ELK1: variants seen among roughly 807,000 people sequenced by gnomAD.
The protein encoded by ELK1 is ETS domain-containing protein Elk-1.
For missense variants in ELK1, 254 were observed against 381.5 expected (o/e 0.67, Z 2.78); for synonymous variants, 163 against 176.3 (o/e 0.92, Z 0.60).
upstream of ELK1, chrX:47,650,593 C>CA (rs1489369481): frequency 3.7e-6 from 1 of 268,352 alleles, no homozygotes; most frequent in African/African-American, 3.0e-5. Flanking sequence ...CTACAGCTCA[C>CA]GTGGGCCCGA....
intron 2 of ELK1, among the ~76,000 whole-genome samples, chrX:47,646,918 A>C (rs1341230244): frequency 9.1e-6 from 1 of 110,125 alleles, no homozygotes; most frequent in Non-Finnish European, 1.9e-5. Context: ...GCACCATCCC[A>C]CCTCAGGGCC....
chrX:47,645,376 A>G (rs2058040328), intron 2 of ELK1, among the ~76,000 whole-genome samples: 1 of 112,076 alleles, frequency 8.9e-6, no homozygotes, highest in African/African-American at 3.2e-5. Flanking sequence ...ACATGAGGCA[A>G]TGGAGGTACA....
intron 6 of ELK1, 31 bp downstream of exon 6, chrX:47,636,982 C>A: frequency 8.3e-7 from 1 of 1,202,161 alleles, no homozygotes. Flanking sequence ...GGGTCTCTCA[C>A]CCTGTCCAAA....
Position 47,647,683 on chromosome X carries a change from G to T in ELK1, c.-35+2238C>A, listed in dbSNP as rs5952440. The stretch of plus-strand genomic sequence containing the variant: ...AATTATCTTTTTCCCATTTATTCAT[G>T]GGATAAATTCTTATTGAGCATCTGC... On this transcript the variant is annotated intron_variant, in intron 2 of 6. Transcript: ENST00000376983. 5.7e-3 allele frequency among the ~76,000 whole-genome samples: 636 copies of T among 112,101 alleles called. 4 individuals carry two copies. The highest frequency in any genetic ancestry group is 0.02 in the African/African-American group (611 of 30,808).
At chrX:47,641,602 A>C in intron 2 of ELK1, 127 bp from the exon 3 acceptor site, 1 of 507,628 alleles carries the variant, frequency 2.0e-6, no homozygotes, top group Non-Finnish European at 3.2e-6. Context: ...CATTCCCTAA[A>C]CCTTCCCAGA....
chrX:47,646,520 T>C (rs1033993515), intron 2 of ELK1, among the ~76,000 whole-genome samples: 1 of 112,454 alleles, frequency 8.9e-6, no homozygotes, highest in Non-Finnish European at 1.9e-5. Flanking sequence ...CTTTTATACC[T>C]GTGCCTCCAT....
At chrX:47,649,780 G>T (rs1186288469) in intron 2 of ELK1, 141 bp downstream of exon 2, 1 of 97,780 alleles carries the variant, frequency 1.0e-5, no homozygotes, top group Non-Finnish European at 2.0e-5. Context: ...TAGCTAAAGG[G>T]ACGTGAATCC....
In ELK1 at chrX:47,639,057, G is replaced by A. The variant is rs1229754090; in HGVS notation, c.492C>T (p.Ile164=). The change falls in exon 4 of 7, where the codon ATC becomes ATT. Residue 164 remains isoleucine (I), a synonymous_variant. Transcript: ENST00000376983. ...GGGGTGGCTGCGGCTGCAGAGACTG[G>A]ATGGTGAAGGTGGAATAGAGGCCCG... ...MRSGLYSTFT[I]QSLQPQPPPH... The A allele has an allele frequency of 4.2e-6, 5 of 1,202,877 alleles. No homozygotes were observed. The highest frequency in any genetic ancestry group is 4.5e-6 in the Non-Finnish European group (4 of 891,374).
Position 47,639,278 on chromosome X carries a change from C to T in ELK1, c.271G>A (p.Val91Ile). 1 of 1,209,977 alleles carries T rather than the reference C, an allele frequency of 8.3e-7. No individual in the cohort carries two copies. Among genetic ancestry groups the T allele is most frequent in the Non-Finnish European group, 1.1e-6 (1 of 894,745 alleles). ...FVYKFVSYPEVAGCSTEDCPP... is the reference protein window; with the variant it reads ...FVYKFVSYPEIAGCSTEDCPP... Reference sequence around the variant, plus strand: ...CAGTCCTCAGTGGAGCACCCTGCGACCTCAGGGTAGGACACAAACTTGTAG... The same window carrying T: ...CAGTCCTCAGTGGAGCACCCTGCGATCTCAGGGTAGGACACAAACTTGTAG... The change falls in exon 4 of 7, where the codon GTC becomes ATC. Residue 91 changes from valine to isoleucine, a missense_variant. Coordinates refer to ENST00000376983, the MANE Select transcript of ELK1 (RefSeq NM_001114123.3).
At chrX:47,650,376 C>T (rs768064079) in intron 1 of ELK1, 47 bp downstream of exon 1, 1 of 286,953 alleles carries the variant, frequency 3.5e-6, no homozygotes, top group Admixed American at 3.9e-5. Flanking sequence ...GGGAAGGATA[C>T]GTGGGGTCAC....
At position 47,636,343 on chromosome X, in the gene ELK1, A is replaced by G. The variant is rs1268254105; in HGVS notation, c.*486T>C. 1 of 113,751 alleles carries G rather than the reference A, an allele frequency of 8.8e-6. No homozygotes were observed. Among genetic ancestry groups the G allele is most frequent in the Non-Finnish European group, 1.8e-5 (1 of 54,266 alleles). 9.4% of individuals were successfully genotyped at this position (113,751 alleles called of 1,213,427 possible). ...CCCCTGAGTATGGCCAGGAATAATA[A>G]AACAAAACAAACTAACTCTTCTACT... is the stretch of plus-strand genomic sequence containing the variant. On this transcript the variant is annotated 3_prime_UTR_variant, in exon 7 of 7. Coordinates refer to ENST00000376983, the MANE Select transcript of ELK1 (RefSeq NM_001114123.3).
At chrX:47,644,507 G>A (rs1481376938) in intron 2 of ELK1, among the ~76,000 whole-genome samples, 1 of 110,598 alleles carries the variant, frequency 9.0e-6, no homozygotes, top group East Asian at 2.8e-4. Context: ...GTCAGATGGT[G>A]GTAAGGGTTA....
At chrX:47,644,943 G>C (rs201383441) in intron 2 of ELK1, among the ~76,000 whole-genome samples, 1 of 111,732 alleles carries the variant, frequency 8.9e-6, no homozygotes, top group South Asian at 3.8e-4. Context: ...TGGGGCTGAA[G>C]AAGCCACTGC....
chrX:47,649,369 T>C (rs1213527942), intron 2 of ELK1: 1 of 109,356 alleles, frequency 9.1e-6, no homozygotes, highest in Non-Finnish European at 1.9e-5. Context: ...CGTTCTCTTC[T>C]GGGAAGGGAA....
intron 2 of ELK1, among the ~76,000 whole-genome samples, chrX:47,645,754 G>A (rs992472824): frequency 2.7e-5 from 3 of 112,040 alleles, no homozygotes; most frequent in Non-Finnish European, 3.8e-5. Flanking sequence ...TGCTCTCCCC[G>A]CAGGGAGAGC....
chrX:47,637,031 C>T lies in ELK1; in HGVS notation c.1170G>A (p.Pro390=), dbSNP rs143440705. Residue 390 remains proline (P), a synonymous_variant, in exon 6 of 7, where the codon CCG becomes CCA. Coordinates refer to ENST00000376983, the MANE Select transcript of ELK1 (RefSeq NM_001114123.3). ...STLSPIAPRS[P]AKLSFQFPSS... ...ATCCTACCTGGAAGGAGAGCTTGGC[C>T]GGGCTACGGGGCGCAATGGGACTCA... 57 of 1,208,181 alleles carry T rather than the reference C, an allele frequency of 4.7e-5. No individual in the cohort carries two copies. In the African/African-American group the frequency reaches 6.3e-4, roughly 13 times the overall value.
upstream of ELK1, chrX:47,650,601 C>G (rs1003199784): frequency 3.5e-5 from 9 of 256,020 alleles, no homozygotes; most frequent in Non-Finnish European, 5.8e-5. Flanking sequence ...CACGTGGGCC[C>G]GAGGAGGAGG....
At chrX:47,642,607 T>C (rs929517362) in intron 2 of ELK1, among the ~76,000 whole-genome samples, 2 of 108,880 alleles carry the variant, frequency 1.8e-5, no homozygotes, top group Admixed American at 2.0e-4. Flanking sequence ...TTTTTCTTTT[T>C]TTTTGAGATG....
intron 2 of ELK1, among the ~76,000 whole-genome samples, chrX:47,645,562 AAGG>A (rs2058041002): frequency 8.9e-6 from 1 of 112,271 alleles, no homozygotes; most frequent in African/African-American, 3.2e-5. Context: ...CAGGGTGTAC[AAGG>A]AGTTCTTCCC....
Sources: gnomAD v4.1 joint callset for allele counts (sites outside exome capture counted in the v4.1 genomes callset) on GRCh38, gnomAD v4.1.1 for gene constraint, MANE v1.5 for transcripts, NCBI Gene and HGNC (gene_info 2026-07-23, HGNC 2026-07-21) for gene names.